The following SLC37A2 variants were observed in gnomAD, a reference collection of about 807,000 sequenced individuals.
SLC37A2 encodes solute carrier family 37 member 2.
Under a neutral mutation model 70.7 loss-of-function variants are expected in SLC37A2, and 59 were observed. The ratio of observed to expected loss-of-function variants is 0.83; its 90% confidence interval spans 0.68 to 1.04. SLC37A2 has a LOEUF of 1.04. Ranked by LOEUF, SLC37A2 falls within the 50% of genes least tolerant of loss-of-function variation. The pLI is 0.00. For synonymous variants in SLC37A2, 257 were observed against 262.1 expected, an observed-to-expected ratio of 0.98 and a Z score of 0.19; for missense variants, 580 against 658.1, an observed-to-expected ratio of 0.88 and a Z score of 1.30.
chr11:125,084,857 G>A lies in SLC37A2; in HGVS notation c.1158G>A (p.Gly386=). 6.2e-7 allele frequency: 1 copy of A among 1,613,762 alleles called. No homozygotes were observed. Among genetic ancestry groups the A allele is most frequent in the Non-Finnish European group, 8.5e-7 (1 of 1,179,872 alleles). The change falls in exon 13 of 18, where the codon GGG becomes GGA. Residue 386 remains glycine, a synonymous_variant. Transcript: ENST00000403796. ...TGTACAACTACATTGGCCAGGACGG[G>A]ATTGCCAGCTCCATAGGTGAGGAGG... ...MFLYNYIGQD[G]IASSIVMLII...
chr11:125,073,592 G>A (rs970606716), intron 1 of SLC37A2, among the ~76,000 whole-genome samples: 1 of 152,216 alleles, frequency 6.6e-6, no homozygotes, highest in African/African-American at 2.4e-5. Context: ...GACTGGTTAG[G>A]TGCATCTCAC....
intron 17 of SLC37A2, chr11:125,087,183 C>G (rs566366141): frequency 6.6e-6 from 1 of 152,538 alleles, no homozygotes; most frequent in East Asian, 1.9e-4. Context: ...GGAATTGTGT[C>G]TGGCTTTAGA....
At chr11:125,071,667 C>G (rs1008427491) in intron 1 of SLC37A2, among the ~76,000 whole-genome samples, 1 of 152,222 alleles carries the variant, frequency 6.6e-6, no homozygotes, top group Non-Finnish European at 1.5e-5. Context: ...GGAGGAAGGA[C>G]AGCAAACAGA....
rs1169590666 is a variant in SLC37A2, at chr11:125,084,813, C to T, written c.1126-12C>T. The stretch of plus-strand genomic sequence containing the variant: ...TTCCGGGTGACTCTGCCTCTCCCCT[C>T]TCCTCTCTCAGATGTTCCTGTACAA... On this transcript the variant is annotated splice_polypyrimidine_tract_variant and intron_variant, in intron 12 of 17. Transcript: ENST00000403796. 1 of 1,613,162 alleles carries T rather than the reference C, an allele frequency of 6.2e-7. No homozygotes were observed. The highest frequency in any genetic ancestry group is 8.5e-7 in the Non-Finnish European group (1 of 1,179,686).
chr11:125,069,841 G>C (rs1288832821), intron 1 of SLC37A2, among the ~76,000 whole-genome samples: 2 of 152,256 alleles, frequency 1.3e-5, no homozygotes, highest in Admixed American at 6.5e-5. Context: ...TCCTCCTCCT[G>C]TTAGGCCTTC....
At chr11:125,084,398 A>T in intron 12 of SLC37A2, 79 bp downstream of exon 12, 1 of 1,353,940 alleles carries the variant, frequency 7.4e-7, no homozygotes, top group East Asian at 2.3e-5. Flanking sequence ...GTGCACGTCC[A>T]CGCGTTACAC....
chr11:125,077,936 G>A (rs76405540), intron 4 of SLC37A2, among the ~76,000 whole-genome samples: 7,034 of 152,264 alleles, frequency 0.046, 213 homozygotes, highest in South Asian at 0.084. Context: ...TGCCTCCAAA[G>A]AGCTCACAGG....
At chr11:125,085,505 C>T (rs1949200606) in intron 15 of SLC37A2, 32 bp downstream of exon 15, 2 of 1,613,622 alleles carry the variant, frequency 1.2e-6, no homozygotes, top group Non-Finnish European at 1.7e-6. Context: ...GTGGGCCGGC[C>T]CCTAGGCATA....
Position 125,063,913 on chromosome 11 carries a change from C to T in SLC37A2, c.59+487C>T, listed in dbSNP as rs1028420522. 4.6e-5 allele frequency among the ~76,000 whole-genome samples: 7 copies of T among 152,114 alleles called. No individual in the cohort carries two copies. The highest frequency in any genetic ancestry group is 1.7e-4 in the African/African-American group (7 of 41,412). On this transcript the variant is annotated intron_variant, in intron 1 of 17. Coordinates refer to ENST00000403796, the MANE Select transcript of SLC37A2 (RefSeq NM_001145290.2). This position sits in a 1 kb window ranked among gnomAD's most constrained non-coding sequence, Gnocchi z 5.4. ...CCAGAACTCAGTGGTCCTGGGAGCT[C>T]GTCTCGAGGCCTTTCAGCACCTGGA...
chr11:125,085,766 G>A (rs1464806305), intron 16 of SLC37A2, 92 bp downstream of exon 16: 3 of 1,433,678 alleles, frequency 2.1e-6, no homozygotes, highest in Non-Finnish European at 1.9e-6. Context: ...GCCATTTGGG[G>A]TTCTGGGGCA....
Position 125,063,516 on chromosome 11 carries a change from CG to C in SLC37A2, c.59+92del. 8.0e-7 allele frequency: 1 copy of C among 1,249,942 alleles called. No individual in the cohort carries two copies. Among genetic ancestry groups the C allele is most frequent in the Admixed American group, 2.3e-5 (1 of 43,254 alleles). The allele number at this position is 1,249,942 out of a possible 1,614,324, so 77.4% of individuals were successfully genotyped here. On this transcript the variant is annotated intron_variant, in intron 1 of 17. Transcript: ENST00000403796. This position sits in a 1 kb window ranked among gnomAD's most constrained non-coding sequence, Gnocchi z 5.4. ...GGGGGCCTCGGAGATCACCCCAGAT[CG>C]GCCCCGGCGTCGCCGCGTGGCCAGG...
At chr11:125,081,542 C>G in intron 8 of SLC37A2, 84 bp downstream of exon 8, 1 of 1,499,084 alleles carries the variant, frequency 6.7e-7, no homozygotes, top group Non-Finnish European at 9.0e-7. Flanking sequence ...GGAGCTAGAG[C>G]AGGGAGTTCT....
chr11:125,068,967 C>T (rs1949004939), intron 1 of SLC37A2, among the ~76,000 whole-genome samples: 1 of 152,146 alleles, frequency 6.6e-6, no homozygotes, highest in South Asian at 2.1e-4. Flanking sequence ...TGGCCCTGGG[C>T]CTTGGACTCC....
At chr11:125,069,654 G>A (rs2135560063) in intron 1 of SLC37A2, among the ~76,000 whole-genome samples, 1 of 152,372 alleles carries the variant, frequency 6.6e-6, no homozygotes, top group South Asian at 2.1e-4. Context: ...CATGCAAGTG[G>A]AGACATGGCC....
Position 125,084,319 on chromosome 11 carries a change from GGTGCGTATAACCCCGAGGGTGAA to G in SLC37A2, c.1125+6_1125+28del. 6.2e-7 allele frequency: 1 copy of G among 1,614,222 alleles called. No homozygotes were observed. Among genetic ancestry groups the G allele is most frequent in the South Asian group, 1.1e-5 (1 of 91,084 alleles). On this transcript the variant is annotated splice_donor_variant and splice_donor_5th_base_variant and intron_variant, in intron 12 of 17. Coordinates refer to ENST00000403796, the MANE Select transcript of SLC37A2 (RefSeq NM_001145290.2). LOFTEE classifies it high-confidence loss of function. ...TCATGCTCATCTTGGCTGCCCCCAT[GGTGCGTATAACCCCGAGGGTGAA>G]GTGCGAATGCATGTGAGCAGGAGCC...
intron 4 of SLC37A2, among the ~76,000 whole-genome samples, chr11:125,078,017 C>T (rs1486451736): frequency 6.6e-6 from 1 of 152,182 alleles, no homozygotes; most frequent in Admixed American, 6.5e-5. Flanking sequence ...AGGTGGCCAT[C>T]ATGTGTTCTA....
Position 125,077,306 on chromosome 11 carries a change from G to A in SLC37A2, c.218G>A (p.Cys73Tyr). Reference protein sequence around the residue: ...DTHSLNDTMWCSWAPFDKDNY... With the variant: ...DTHSLNDTMWYSWAPFDKDNY... ...CACAGTCTCAATGACACCATGTGGT[G>A]CAGCTGGGCCCCATTTGGTAAGAAC... The change falls in exon 3 of 18, where the codon TGC becomes TAC. Residue 73 changes from cysteine to tyrosine, a missense_variant. By Grantham distance (194) the Cys-to-Tyr change is radical (BLOSUM62 -2). Coordinates refer to ENST00000403796, the MANE Select transcript of SLC37A2 (RefSeq NM_001145290.2). The A allele has an allele frequency of 2.5e-6, 4 of 1,606,724 alleles. No individual in the cohort carries two copies. The highest frequency in any genetic ancestry group is 1.7e-6 in the Non-Finnish European group (2 of 1,176,366).
chr11:125,064,611 G>A (rs1275782989), intron 1 of SLC37A2, among the ~76,000 whole-genome samples: 2 of 152,022 alleles, frequency 1.3e-5, no homozygotes, highest in African/African-American at 2.4e-5. Flanking sequence ...TTCTTCACTC[G>A]TTTAGATTAT....
Position 125,079,106 on chromosome 11 carries a change from C to A in SLC37A2, c.315-6C>A, listed in dbSNP as rs375841514. The A allele has an allele frequency of 1.9e-6, 3 of 1,613,996 alleles. No homozygotes were observed. The African/African-American group carries it at 4.0e-5, about 22-fold the overall frequency. On this transcript the variant is annotated splice_region_variant and splice_polypyrimidine_tract_variant and intron_variant, in intron 4 of 17. Transcript: ENST00000403796. ...TTAACCGCAGATCCAACTTTCTCTT[C>A]CCCAGTGGGGTTTTTGGGGAGCGGC...
Sources: gnomAD v4.1 joint callset for allele counts (sites outside exome capture counted in the v4.1 genomes callset) on GRCh38, gnomAD v4.1.1 for gene constraint, Gnocchi (gnomAD v3.1) non-coding constraint, MANE v1.5 for transcripts, NCBI Gene and HGNC (gene_info 2026-07-23, HGNC 2026-07-21) for gene names.